The following SLC38A8 variants were observed in gnomAD, a reference collection of about 807,000 sequenced individuals.
SLC38A8 encodes solute carrier family 38 member 8.
SLC38A8 carries 65 observed loss-of-function variants against 46.0 expected under a neutral mutation model. That is an observed-to-expected ratio of 1.41 (90% CI 1.16 to 1.74). The LOEUF (loss-of-function observed/expected upper bound fraction) is 1.74. Ranked by LOEUF, SLC38A8 falls within the 40% of genes most tolerant of loss-of-function variation. SLC38A8 has a pLI of 0.00. For missense variants in SLC38A8, 998 were observed against 567.9 expected (o/e 1.76, Z -7.70); for synonymous variants, 447 against 243.7 (o/e 1.83, Z -7.77).
intron 4 of SLC38A8, among the ~76,000 whole-genome samples, chr16:84,032,284 G>A (rs1020808733): frequency 5.3e-5 from 8 of 152,292 alleles, no homozygotes; most frequent in African/African-American, 1.7e-4. Flanking sequence ...TGCCTCCCGG[G>A]TTCAAGCAAT....
intron 4 of SLC38A8, 105 bp from the exon 5 acceptor site, chr16:84,032,073 G>T (rs906644605): frequency 3.1e-6 from 3 of 981,300 alleles, no homozygotes; most frequent in Non-Finnish European, 4.7e-6. Flanking sequence ...TGACAATGAG[G>T]TGCTGGCCAA....
intron 9 of SLC38A8, among the ~76,000 whole-genome samples, chr16:84,016,168 G>C (rs762869705): frequency 6.6e-6 from 1 of 152,252 alleles, no homozygotes; most frequent in Non-Finnish European, 1.5e-5. Flanking sequence ...CAGATCTCAT[G>C]AGACTTATTC....
chr16:84,017,122 C>T lies in SLC38A8; in HGVS notation c.953+18G>A, dbSNP rs373477224. ...GCAGACCATGCTTCACGGTGCCCCCCACTGAGCCAGGCCTCACCTCCCCAG... is the reference window on the plus strand; with the variant it reads ...GCAGACCATGCTTCACGGTGCCCCCTACTGAGCCAGGCCTCACCTCCCCAG... On this transcript the variant is annotated intron_variant, in intron 8 of 10. Transcript: ENST00000299709. The T allele has an allele frequency of 4.3e-5, 70 of 1,613,472 alleles. No homozygotes were observed. Among genetic ancestry groups the T allele is most frequent in the Non-Finnish European group, 5.7e-5 (67 of 1,179,826 alleles).
At chr16:84,012,213 T>C (rs940114508) in intron 10 of SLC38A8, among the ~76,000 whole-genome samples, 6 of 152,176 alleles carry the variant, frequency 3.9e-5, no homozygotes, top group African/African-American at 1.4e-4. Flanking sequence ...ATCTATGGGA[T>C]GGGAGGGAGT....
chr16:84,041,580 T>C (rs935386514), intron 2 of SLC38A8, among the ~76,000 whole-genome samples: 2 of 152,176 alleles, frequency 1.3e-5, no homozygotes, highest in African/African-American at 4.8e-5. Flanking sequence ...CCCAAAGGGC[T>C]GCGATTATAG....
chr16:84,020,383 C>G (rs1313451976), intron 7 of SLC38A8, among the ~76,000 whole-genome samples: 1 of 152,112 alleles, frequency 6.6e-6, no homozygotes, highest in African/African-American at 2.4e-5. Context: ...TGGCCTCAAG[C>G]AGTCCTTTCA....
chr16:84,017,631 G>A (rs777741339), intron 7 of SLC38A8, among the ~76,000 whole-genome samples: 6 of 152,154 alleles, frequency 3.9e-5, no homozygotes, highest in African/African-American at 1.2e-4. Context: ...TCACTCCTAC[G>A]ACATCTAAAG....
intron 9 of SLC38A8, among the ~76,000 whole-genome samples, chr16:84,013,438 T>TG (rs1329306801): frequency 4.6e-5 from 6 of 131,204 alleles, no homozygotes; most frequent in African/African-American, 1.0e-4. Flanking sequence ...TTTTTTTTTT[T>TG]TTTTTTTTTT....
chr16:84,035,031 C>T (rs967853110), intron 3 of SLC38A8, among the ~76,000 whole-genome samples: 3 of 152,316 alleles, frequency 2.0e-5, no homozygotes, highest in Middle Eastern at 3.4e-3. Context: ...TACAGAGAGG[C>T]ATCCCCAAAT....
intron 3 of SLC38A8, among the ~76,000 whole-genome samples, chr16:84,035,198 T>C (rs28513646): frequency 0.39 from 59,088 of 152,062 alleles, 11,959 homozygotes; most frequent in East Asian, 0.59. Flanking sequence ...ACCAGTTCAG[T>C]GGAGTTGAAA....
At chr16:84,013,695 C>T (rs1192157764) in intron 9 of SLC38A8, among the ~76,000 whole-genome samples, 1 of 150,640 alleles carries the variant, frequency 6.6e-6, no homozygotes, top group Admixed American at 6.6e-5. Context: ...TCCCAAAGTG[C>T]TGGGATTACA....
intron 6 of SLC38A8, among the ~76,000 whole-genome samples, chr16:84,025,232 A>T (rs904804840): frequency 2.6e-5 from 4 of 151,474 alleles, no homozygotes; most frequent in South Asian, 2.1e-4. Context: ...CATCACACCC[A>T]CTCTCTCACT....
intron 7 of SLC38A8, among the ~76,000 whole-genome samples, chr16:84,020,952 C>A (rs1348645534): frequency 1.3e-5 from 2 of 152,206 alleles, no homozygotes; most frequent in East Asian, 3.8e-4. Context: ...ATCTTCAAGT[C>A]ATTTTTTGCC....
Position 84,042,105 on chromosome 16 carries a change from G to A in SLC38A8, c.53C>T (p.Ala18Val), listed in dbSNP as rs1237881293. Reference protein sequence around the residue: ...SRGLPEKPHPATAAATLSSMG... With the variant: ...SRGLPEKPHPVTAAATLSSMG... ...CGAGGACAGAGTGGCAGCAGCCGTGGCAGGGTGAGGCTTTTCTGGAAGGCC... is the reference window on the plus strand; with the variant it reads ...CGAGGACAGAGTGGCAGCAGCCGTGACAGGGTGAGGCTTTTCTGGAAGGCC... Residue 18 changes from alanine (A) to valine (V), a missense_variant, in exon 2 of 11, where the codon GCC (alanine) becomes GTC (valine). By Grantham distance (64) the Ala-to-Val change is moderately conservative. Coordinates refer to ENST00000299709, the MANE Select transcript of SLC38A8 (RefSeq NM_001080442.3). 4 of 1,613,886 alleles carry A rather than the reference G, an allele frequency of 2.5e-6. No individual in the cohort carries two copies. The South Asian group carries it at 3.3e-5, about 13-fold the overall frequency.
At chr16:84,042,426 C>T (rs952089153) in intron 1 of SLC38A8, 125 bp downstream of exon 1, 4 of 353,742 alleles carry the variant, frequency 1.1e-5, no homozygotes, top group Middle Eastern at 1.5e-3. Flanking sequence ...CTTCCCCCTC[C>T]CTCTCTTCTC....
At chr16:84,025,619 C>T (rs1380831076) in intron 6 of SLC38A8, among the ~76,000 whole-genome samples, 2 of 152,188 alleles carry the variant, frequency 1.3e-5, no homozygotes, top group Non-Finnish European at 2.9e-5. Flanking sequence ...CTACCCATCC[C>T]GTGAACCCAC....
In SLC38A8 at chr16:84,042,070, C is replaced by T. The variant is rs151146991; in HGVS notation, c.88G>A (p.Val30Ile). Residue 30 changes from valine (V) to isoleucine (I), a missense_variant, in exon 2 of 11, where the codon GTC becomes ATC. Transcript: ENST00000299709. ...AAATLSSMGAVFILMKSALGA... is the reference protein window; with the variant it reads ...AAATLSSMGAIFILMKSALGA... The stretch of plus-strand genomic sequence containing the variant: ...AGCGCGGACTTCATGAGGATGAAGA[C>T]AGCGCCCATCGAGGACAGAGTGGCA... 51 of 1,613,966 alleles carry T rather than the reference C, an allele frequency of 3.2e-5. No individual in the cohort carries two copies. The highest frequency in any genetic ancestry group is 4.1e-5 in the Non-Finnish European group (48 of 1,180,030).
intron 10 of SLC38A8, among the ~76,000 whole-genome samples, chr16:84,011,947 A>T (rs1388529547): frequency 2.0e-5 from 3 of 152,222 alleles, no homozygotes; most frequent in African/African-American, 7.2e-5. Flanking sequence ...AGAAAGCTAA[A>T]TAATGATAAA....
In SLC38A8 at chr16:84,016,538, G is replaced by C; in HGVS notation, c.1143C>G (p.Phe381Leu). Residue 381 changes from phenylalanine to leucine, a missense_variant, in exon 9 of 11, where the codon TTC becomes TTG. Phe to Leu is a conservative substitution (Grantham distance 22). Transcript: ENST00000299709. ...CCTCACCTGGGAAGATGAAGATGAA[G>C]AAGGAACTGATGCCTCCGATGATGC... The part of the protein sequence containing the change: ...IVSIIGGISS[F>L]FIFIFPGLCL... The C allele has an allele frequency of 6.2e-7, 1 of 1,614,036 alleles. No homozygotes were observed. The highest frequency in any genetic ancestry group is 8.5e-7 in the Non-Finnish European group (1 of 1,179,960).
Sources: allele counts gnomAD v4.1 joint callset (sites outside exome capture counted in the v4.1 genomes callset), GRCh38; gene constraint gnomAD v4.1.1; transcripts MANE v1.5; gene names NCBI Gene and HGNC (gene_info 2026-07-23, HGNC 2026-07-21).